DLG2: variants seen among roughly 807,000 people sequenced by gnomAD.
The protein encoded by DLG2 is disks large homolog 2.
DLG2 carries 45 observed loss-of-function variants against 132.5 expected under a neutral mutation model. That is an observed-to-expected ratio of 0.34 (90% CI 0.27 to 0.44). The LOEUF (loss-of-function observed/expected upper bound fraction) is 0.44. Among genes scored for constraint, DLG2 ranks in the 20% least tolerant of loss-of-function variants. DLG2 has a pLI of 1.00. For missense variants in DLG2, 1,045 were observed against 1,196.9 expected, an observed-to-expected ratio of 0.87 and a Z score of 1.87; for synonymous variants, 424 against 419.6, an observed-to-expected ratio of 1.01 and a Z score of -0.13.
intron 3 of DLG2, among the ~76,000 whole-genome samples, chr11:85,570,308 C>T (rs2077774007): frequency 6.6e-6 from 1 of 152,100 alleles, no homozygotes; most frequent in African/African-American, 2.4e-5. Context: ...GTGGTATAAT[C>T]TATGGTCTAT....
At chr11:84,660,149 A>C (rs774798801) in intron 6 of DLG2, among the ~76,000 whole-genome samples, 1 of 152,064 alleles carries the variant, frequency 6.6e-6, no homozygotes, top group Non-Finnish European at 1.5e-5. Flanking sequence ...CATGATCCAA[A>C]ACCCCCATTA....
At chr11:85,097,110 G>A (rs1426442440) in intron 6 of DLG2, among the ~76,000 whole-genome samples, 1 of 152,126 alleles carries the variant, frequency 6.6e-6, no homozygotes, top group Non-Finnish European at 1.5e-5. Context: ...CCTAACGCCT[G>A]TCAGACAAAC....
chr11:84,718,922 T>A (rs1357402848), intron 6 of DLG2, among the ~76,000 whole-genome samples: 1 of 152,210 alleles, frequency 6.6e-6, no homozygotes, highest in Non-Finnish European at 1.5e-5. Flanking sequence ...ATATATTTTT[T>A]AACCAACCCT....
At chr11:84,100,654 T>C (rs535925643) in intron 9 of DLG2, among the ~76,000 whole-genome samples, 1 of 152,188 alleles carries the variant, frequency 6.6e-6, no homozygotes, top group Admixed American at 6.6e-5. Flanking sequence ...ACAAAAAATA[T>C]AGCTTACTAA....
chr11:84,669,582 C>T (rs188770511), intron 6 of DLG2, among the ~76,000 whole-genome samples: 76 of 152,186 alleles, frequency 5.0e-4, no homozygotes, highest in Non-Finnish European at 9.3e-4. Flanking sequence ...TAGATAGGTA[C>T]GGAAGAACAA....
At chr11:84,241,184 T>C (rs1308423492) in intron 8 of DLG2, among the ~76,000 whole-genome samples, 4 of 152,260 alleles carry the variant, frequency 2.6e-5, no homozygotes, top group Non-Finnish European at 5.9e-5. Context: ...TTGTAGTTTC[T>C]TCCCTTCCTG....
rs528299894 is a variant in DLG2 at position 84,373,164 on chromosome 11, G to A, written c.520-121873C>T. ...TGGAGGAAACAAATGCAAGGCCAACGTTCAAACTCCAGACGACTATCTGGA... is the reference window on the plus strand; with the variant it reads ...TGGAGGAAACAAATGCAAGGCCAACATTCAAACTCCAGACGACTATCTGGA... On this transcript the variant is annotated intron_variant, in intron 7 of 27. Coordinates refer to ENST00000376104, the MANE Select transcript of DLG2 (RefSeq NM_001142699.3). Among the ~76,000 whole-genome samples the A allele has an allele frequency of 6.2e-5, 9 of 144,476 alleles. No homozygotes were observed. In the South Asian group the frequency reaches 2.0e-3, roughly 32 times the overall value. The allele number at this position is 144,476 out of a possible 152,430, so 94.8% of individuals were successfully genotyped here.
chr11:85,117,467 A>G (rs1010676230), intron 5 of DLG2, among the ~76,000 whole-genome samples: 5 of 151,976 alleles, frequency 3.3e-5, no homozygotes, highest in Non-Finnish European at 4.4e-5. Context: ...CTTTTTGGTT[A>G]TTCTTACTGT....
chr11:84,441,958 T>C (rs2099018474), intron 7 of DLG2, among the ~76,000 whole-genome samples: 1 of 152,182 alleles, frequency 6.6e-6, no homozygotes, highest in African/African-American at 2.4e-5. Flanking sequence ...GAGGCCTGTG[T>C]TCTGTCCCAT....
chr11:85,160,090 A>T (rs1171683903), intron 4 of DLG2, among the ~76,000 whole-genome samples: 1 of 152,218 alleles, frequency 6.6e-6, no homozygotes, highest in Non-Finnish European at 1.5e-5. Flanking sequence ...AAGGTAAAAA[A>T]TAAGTTGCTG....
intron 7 of DLG2, among the ~76,000 whole-genome samples, chr11:84,360,945 A>G (rs2098646209): frequency 6.6e-6 from 1 of 151,942 alleles, no homozygotes; most frequent in Admixed American, 6.6e-5. Flanking sequence ...GAACCAAATG[A>G]AACATATAAA....
chr11:85,585,052 G>A (rs903107092), intron 3 of DLG2, among the ~76,000 whole-genome samples: 1 of 152,076 alleles, frequency 6.6e-6, no homozygotes, highest in East Asian at 1.9e-4. Flanking sequence ...TTGCTTTTGG[G>A]TTCTTGGTCA....
At chr11:84,277,838 G>A (rs900020456) in intron 7 of DLG2, among the ~76,000 whole-genome samples, 10 of 152,214 alleles carry the variant, frequency 6.6e-5, no homozygotes, top group Middle Eastern at 3.4e-3. Flanking sequence ...AATCAAGATG[G>A]AGGAAGATGA....
At position 85,572,932 on chromosome 11, in the gene DLG2, A is replaced by G. The variant is rs114531950; in HGVS notation, c.40+25725T>C. 2.4e-3 allele frequency among the ~76,000 whole-genome samples: 363 copies of G among 152,332 alleles called. 1 individual carries two copies. The highest frequency in any genetic ancestry group is 8.6e-3 in the African/African-American group (356 of 41,584). On this transcript the variant is annotated intron_variant, in intron 3 of 27. Transcript: ENST00000376104. ...GGGACTGATGGAAGGTATTTGGATC[A>G]TGGGGGCAGATCCCTCATGAATGGC...
intron 18 of DLG2, among the ~76,000 whole-genome samples, chr11:83,763,915 C>T (rs911191925): frequency 2.6e-5 from 4 of 152,066 alleles, no homozygotes; most frequent in African/African-American, 4.8e-5. Flanking sequence ...TCTATTTTGC[C>T]GGATCTCATA....
intron 6 of DLG2, chr11:84,545,065 C>G: frequency 1.1e-5 from 5 of 453,542 alleles, no homozygotes; most frequent in South Asian, 7.8e-5. Flanking sequence ...GTTCACAAAT[C>G]TGTTGTAACC....
intron 14 of DLG2, among the ~76,000 whole-genome samples, chr11:83,943,320 G>A (rs185598326): frequency 1.1e-4 from 17 of 152,296 alleles, no homozygotes; most frequent in Admixed American, 9.8e-4. Flanking sequence ...GGGGAGGACT[G>A]TTAGGGATAT....
chr11:84,055,165 T>G (rs1167074235), intron 11 of DLG2, among the ~76,000 whole-genome samples: 1 of 151,980 alleles, frequency 6.6e-6, no homozygotes, highest in African/African-American at 2.4e-5. Context: ...CAGAGATTCC[T>G]TCATAATCTT....
At chr11:84,096,062 G>C (rs1484787671) in intron 10 of DLG2, among the ~76,000 whole-genome samples, 3 of 152,166 alleles carry the variant, frequency 2.0e-5, no homozygotes, top group African/African-American at 7.2e-5. Flanking sequence ...TTTTTAGGCA[G>C]AGACCACATG....
Sources: gnomAD v4.1 joint callset for allele counts (sites outside exome capture counted in the v4.1 genomes callset) on GRCh38, gnomAD v4.1.1 for gene constraint, MANE v1.5 for transcripts, NCBI Gene and HGNC (gene_info 2026-07-23, HGNC 2026-07-21) for gene names.